The following PHACTR4 variants were observed in gnomAD, a reference collection of about 807,000 sequenced individuals.
PHACTR4 encodes protein phosphatase 1, regulatory subunit 124.
In PHACTR4, 51 loss-of-function variants were observed where a neutral mutation model predicts 72.7. The observed-to-expected ratio is 0.70, with a 90% CI of 0.56 to 0.89. PHACTR4 has a LOEUF of 0.89. Among genes scored for constraint, PHACTR4 ranks in the 40% least tolerant of loss-of-function variants. The pLI, the probability that PHACTR4 is intolerant of heterozygous loss-of-function variation, is 0.00. For synonymous variants in PHACTR4, 255 were observed against 302.5 expected (o/e 0.84, Z 1.63); for missense variants, 731 against 861.8 (o/e 0.85, Z 1.90).
intron 2 of PHACTR4, among the ~76,000 whole-genome samples, chr1:28,428,563 T>C (rs1656019590): frequency 6.6e-6 from 1 of 152,230 alleles, no homozygotes; most frequent in Admixed American, 6.5e-5. Flanking sequence ...AATTTCAGTT[T>C]CTCTCGCTAA....
At chr1:28,455,885 A>C (rs1355260367) in intron 2 of PHACTR4, among the ~76,000 whole-genome samples, 1 of 152,182 alleles carries the variant, frequency 6.6e-6, no homozygotes, top group Non-Finnish European at 1.5e-5. Context: ...CCAACACAGG[A>C]GGTAAGAGGA....
chr1:28,426,869 G>T (rs1182668477), intron 2 of PHACTR4, among the ~76,000 whole-genome samples: 1 of 152,010 alleles, frequency 6.6e-6, no homozygotes, highest in East Asian at 1.9e-4. Flanking sequence ...ATTCTGAGTG[G>T]GCTTTAAAAA....
At chr1:28,448,125 G>A (rs1302882537) in intron 2 of PHACTR4, among the ~76,000 whole-genome samples, 2 of 152,154 alleles carry the variant, frequency 1.3e-5, no homozygotes, top group East Asian at 1.9e-4. Context: ...AGCTAGGTGG[G>A]CTTAAAAACA....
At chr1:28,487,633 C>T (rs1353432533) in intron 9 of PHACTR4, among the ~76,000 whole-genome samples, 2 of 148,552 alleles carry the variant, frequency 1.3e-5, no homozygotes, top group Non-Finnish European at 3.0e-5. Flanking sequence ...CAAGTACTAG[C>T]TAATTAGCCC....
chr1:28,478,817 CT>C (rs1660087475), intron 8 of PHACTR4, among the ~76,000 whole-genome samples: 1 of 151,632 alleles, frequency 6.6e-6, no homozygotes, highest in South Asian at 2.1e-4. Context: ...GAGACACAGT[CT>C]TGCTGTGTTG....
chr1:28,415,186 G>A (rs559138038), intron 2 of PHACTR4, among the ~76,000 whole-genome samples: 15 of 151,780 alleles, frequency 9.9e-5, no homozygotes, highest in African/African-American at 2.7e-4. Context: ...GCTTGAACCC[G>A]GGAGGCGGAG....
chr1:28,474,286 G>C, intron 7 of PHACTR4, 135 bp downstream of exon 7: 3 of 793,940 alleles, frequency 3.8e-6, no homozygotes, highest in Non-Finnish European at 6.0e-6. Flanking sequence ...TTGGGAAGCT[G>C]AGGCAAATGG....
chr1:28,472,610 C>CT (rs34472891), intron 6 of PHACTR4, among the ~76,000 whole-genome samples: 53,112 of 146,708 alleles, frequency 0.36, 10,341 homozygotes, highest in African/African-American at 0.51. Flanking sequence ...TACAAAATAA[C>CT]TTTTTTTTTT....
At chr1:28,440,103 C>T (rs1263776462) in intron 2 of PHACTR4, among the ~76,000 whole-genome samples, 1 of 151,832 alleles carries the variant, frequency 6.6e-6, no homozygotes, top group Non-Finnish European at 1.5e-5. Flanking sequence ...CGATCGAGAC[C>T]ATTCTGGCTA....
intron 2 of PHACTR4, among the ~76,000 whole-genome samples, chr1:28,419,050 T>TTTTTTTTTTTTTTTTTTTGAGACGG (rs1210043704): frequency 1.4e-4 from 21 of 147,104 alleles, no homozygotes; most frequent in African/African-American, 4.9e-4. Context: ...GATTTTTTTC[T>TTTTTTTTTTTTTTTTTTTGAGACGG]AGGGAAGTTT....
intron 1 of PHACTR4, among the ~76,000 whole-genome samples, chr1:28,405,366 G>T (rs1325486322): frequency 2.6e-5 from 4 of 151,730 alleles, no homozygotes; most frequent in African/African-American, 9.7e-5. Flanking sequence ...TTACTCTGTT[G>T]CCCAGGCTAG....
chr1:28,441,331 G>T (rs575089912), intron 2 of PHACTR4, among the ~76,000 whole-genome samples: 1 of 151,548 alleles, frequency 6.6e-6, no homozygotes, highest in South Asian at 2.1e-4. Context: ...CTCCCACCTC[G>T]GGCTCCCAAA....
intron 10 of PHACTR4, among the ~76,000 whole-genome samples, chr1:28,490,141 GGGCAGGAAAAATACA>G (rs1387662383): frequency 6.6e-6 from 1 of 152,160 alleles, no homozygotes; most frequent in Admixed American, 6.5e-5. Context: ...CTTAGTTCAT[GGGCAGGAAAAATACA>G]GGCAACTGGC....
rs542818893 is a variant in PHACTR4, at chr1:28,476,151, T to G, written c.1466T>G (p.Phe489Cys). Residue 489 changes from phenylalanine to cysteine, a missense_variant, in exon 8 of 14, where the codon TTC becomes TGC. Around this residue, in one of 2 missense-constraint regions of PHACTR4, gnomAD observed 621 missense variants for 676.6 expected, o/e 0.92. Transcript: ENST00000373839. Reference protein sequence around the residue: ...EEEEQTCPSTFSEEMTPTSVI... With the variant: ...EEEEQTCPSTCSEEMTPTSVI... ...GAGGAGCAAACCTGTCCATCCACAT[T>G]CAGTGAAGAAATGACACCTACCTCA... 1.2e-6 allele frequency: 2 copies of G among 1,613,568 alleles called. No homozygotes were observed. Among genetic ancestry groups the G allele is most frequent in the Admixed American group, 1.7e-5 (1 of 59,866 alleles).
In PHACTR4 at chr1:28,369,755, G is replaced by T. The variant is rs769833228; in HGVS notation, c.-109G>T. On this transcript the variant is annotated 5_prime_UTR_variant, in exon 1 of 14. Coordinates refer to ENST00000373839, the MANE Select transcript of PHACTR4 (RefSeq NM_001048183.3). ...CCAAGGGCTCCGGCTGCTGCCTGGCGGCCAACGGGCCAGGTAGGATTTCCG... is the reference window on the plus strand; with the variant it reads ...CCAAGGGCTCCGGCTGCTGCCTGGCTGCCAACGGGCCAGGTAGGATTTCCG... The T allele has an allele frequency of 2.2e-6, 1 of 445,010 alleles. No individual in the cohort carries two copies. Among genetic ancestry groups the T allele is most frequent in the South Asian group, 1.6e-5 (1 of 63,034 alleles). 27.6% of individuals were successfully genotyped at this position (445,010 alleles called of 1,614,324 possible).
intron 2 of PHACTR4, chr1:28,422,498 C>T (rs149461984): frequency 6.6e-6 from 1 of 152,128 alleles, no homozygotes; most frequent in African/African-American, 2.4e-5. Context: ...TGGAACAAAT[C>T]CCCCTTGGAT....
At chr1:28,396,614 T>C (rs555415353) in intron 1 of PHACTR4, among the ~76,000 whole-genome samples, 3 of 151,706 alleles carry the variant, frequency 2.0e-5, no homozygotes, top group Non-Finnish European at 4.4e-5. Context: ...AAGGTCACTC[T>C]AGAAGAATAG....
intron 1 of PHACTR4, among the ~76,000 whole-genome samples, chr1:28,378,844 T>A (rs1168208040): frequency 6.6e-6 from 1 of 152,076 alleles, no homozygotes; most frequent in African/African-American, 2.4e-5. Flanking sequence ...AGAGAAGATA[T>A]ATTTGGAAGT....
At chr1:28,376,095 AAAC>A (rs1651643824) in intron 1 of PHACTR4, among the ~76,000 whole-genome samples, 2 of 151,502 alleles carry the variant, frequency 1.3e-5, no homozygotes, top group African/African-American at 4.9e-5. Context: ...CAAACAAAAA[AAAC>A]TTTCACAGCC....
Sources: allele counts gnomAD v4.1 joint callset (sites outside exome capture counted in the v4.1 genomes callset), GRCh38; gene constraint gnomAD v4.1.1; regional missense constraint gnomAD v4.1.1; transcripts MANE v1.5; gene names NCBI Gene and HGNC (gene_info 2026-07-23, HGNC 2026-07-21).